Variants in USP32 observed in about 807,000 individuals in gnomAD.
USP32 encodes the protein ubiquitin specific peptidase 32.
In USP32, 59 loss-of-function variants were observed where a neutral mutation model predicts 204.8. The ratio of observed to expected loss-of-function variants is 0.29; its 90% CI spans 0.23 to 0.36. USP32 has a LOEUF of 0.36. Ranked by LOEUF, USP32 falls within the 10% of genes least tolerant of loss-of-function variation. The pLI, the probability that USP32 is intolerant of heterozygous loss-of-function variation, is 1.00. For missense variants in USP32, 1,160 were observed against 1,946.4 expected, an observed-to-expected ratio of 0.60 and a Z score of 7.60; for synonymous variants, 517 against 678.4, an observed-to-expected ratio of 0.76 and a Z score of 3.70.
At chr17:60,223,260 T>A (rs2085300768) in intron 14 of USP32, 151 bp downstream of exon 14, 1 of 629,280 alleles carries the variant, frequency 1.6e-6, no homozygotes, top group African/African-American at 1.9e-5. Context: ...ATAAATATTC[T>A]CACAGAAATG....
chr17:60,311,253 A>C (rs575022625), intron 2 of USP32, among the ~76,000 whole-genome samples: 1 of 152,192 alleles, frequency 6.6e-6, no homozygotes, highest in Non-Finnish European at 1.5e-5. Flanking sequence ...CCCCCCAAAA[A>C]ATGTATCTAT....
intron 5 of USP32, among the ~76,000 whole-genome samples, chr17:60,278,719 T>G (rs982528123): frequency 6.6e-6 from 1 of 152,188 alleles, no homozygotes; most frequent in East Asian, 1.9e-4. Context: ...AAGATAACAG[T>G]TGAACCTGGA....
Position 60,348,605 on chromosome 17 carries a change from T to C in USP32, c.59-2997A>G, listed in dbSNP as rs147561473. ...CCCTAGGCAACATAGTGAGACCCTG[T>C]CTCTACAAAAACAGAAAAATTAGCC... On this transcript the variant is annotated intron_variant, in intron 1 of 33. Coordinates refer to ENST00000300896, the MANE Select transcript of USP32 (RefSeq NM_032582.4). 8.4e-4 allele frequency among the ~76,000 whole-genome samples: 127 copies of C among 151,942 alleles called. 1 individual carries two copies. In the East Asian group the frequency reaches 0.022, roughly 26 times the overall value.
rs2085278490 is a variant in USP32 at position 60,222,525 on chromosome 17, C to T, written c.1633G>A (p.Gly545Arg). Reference sequence around the variant, plus strand: ...AGCTGTGGAGTTCGTTTTAATCGTCCTCCTTCTAGTGTTAATGATGTAGCC... The same window carrying T: ...AGCTGTGGAGTTCGTTTTAATCGTCTTCCTTCTAGTGTTAATGATGTAGCC... The part of the protein sequence containing the change: ...VKATSLTLEG[G>R]RLKRTPQLIH... The change falls in exon 15 of 34, where the codon GGA (glycine) becomes AGA (arginine). Residue 545 changes from glycine (G) to arginine (R), a missense_variant. Gly to Arg is a moderately radical substitution (Grantham distance 125). Transcript: ENST00000300896. 6 of 1,613,918 alleles carry T rather than the reference C, an allele frequency of 3.7e-6. No individual in the cohort carries two copies. The highest frequency in any genetic ancestry group is 5.1e-6 in the Non-Finnish European group (6 of 1,180,004).
intron 16 of USP32, among the ~76,000 whole-genome samples, chr17:60,215,909 A>G (rs1313822390): frequency 6.6e-6 from 1 of 152,086 alleles, no homozygotes; most frequent in African/African-American, 2.4e-5. Context: ...TATGTTGCCC[A>G]GGCTGGTTTT....
chr17:60,396,856 C>A (rs898570765), upstream of USP32, among the ~76,000 whole-genome samples: 72 of 152,220 alleles, frequency 4.7e-4, no homozygotes, highest in Non-Finnish European at 1.9e-4. Flanking sequence ...CTATGTTATA[C>A]TCCTGTCTCG....
At chr17:60,301,397 G>A (rs989939930) in intron 3 of USP32, 10 of 396,252 alleles carry the variant, frequency 2.5e-5, no homozygotes, top group Non-Finnish European at 4.5e-5. Context: ...CACTCTAGTA[G>A]GTGTGAAGTA....
rs373080318 is a variant in USP32 at position 60,196,739 on chromosome 17, C to T, written c.3434+1521G>A. Among the ~76,000 whole-genome samples, 9 of 151,874 alleles carry T rather than the reference C, an allele frequency of 5.9e-5. No homozygotes were observed. In the East Asian group the frequency reaches 1.6e-3, roughly 26 times the overall value. ...ACTCAGGAGGCTGAGGCAGGAGAATCGCTTGAACCCAGGAGGTGGAGGTTG... is the reference window on the plus strand; with the variant it reads ...ACTCAGGAGGCTGAGGCAGGAGAATTGCTTGAACCCAGGAGGTGGAGGTTG... On this transcript the variant is annotated intron_variant, in intron 27 of 33. Coordinates refer to ENST00000300896, the MANE Select transcript of USP32 (RefSeq NM_032582.4).
intron 4 of USP32, among the ~76,000 whole-genome samples, chr17:60,291,556 T>C (rs1406829574): frequency 1.3e-5 from 2 of 151,998 alleles, no homozygotes; most frequent in African/African-American, 4.8e-5. Flanking sequence ...TGTGTGTGTG[T>C]GTGTGTGTGT....
intron 13 of USP32, 131 bp downstream of exon 13, chr17:60,225,908 C>T (rs1429168277): frequency 5.6e-5 from 52 of 932,578 alleles, no homozygotes; most frequent in South Asian, 4.2e-4. Flanking sequence ...GAGCAGAGAT[C>T]GCGCCACTGC....
chr17:60,322,566 A>G (rs1304981263), intron 2 of USP32, among the ~76,000 whole-genome samples: 4 of 152,198 alleles, frequency 2.6e-5, no homozygotes, highest in Non-Finnish European at 4.4e-5. Context: ...ACACACTAAA[A>G]AAATAGAATT....
At chr17:60,263,934 C>G (rs1403063015) in intron 9 of USP32, among the ~76,000 whole-genome samples, 1 of 150,684 alleles carries the variant, frequency 6.6e-6, no homozygotes, top group Non-Finnish European at 1.5e-5. Context: ...TGGTGTAGAT[C>G]CTACCAATCT....
chr17:60,265,951 CA>C, intron 8 of USP32, 24 bp downstream of exon 8: 1 of 1,558,676 alleles, frequency 6.4e-7, no homozygotes, highest in Middle Eastern at 1.7e-4. Flanking sequence ...TTATACGCAA[CA>C]AGACATACAC....
chr17:60,280,253 C>T (rs187170239), intron 5 of USP32, among the ~76,000 whole-genome samples: 47 of 152,200 alleles, frequency 3.1e-4, no homozygotes, highest in Middle Eastern at 3.4e-3. Context: ...TCCACCACCA[C>T]ACCCAGCTAA....
At chr17:60,413,241 C>T (rs1189119921) in intron 1 of USP32, among the ~76,000 whole-genome samples, 1 of 152,078 alleles carries the variant, frequency 6.6e-6, no homozygotes, top group Admixed American at 6.6e-5. Flanking sequence ...GACCTTATCC[C>T]TGTGTTATAG....
chr17:60,412,322 T>A (rs62082083), intron 1 of USP32, among the ~76,000 whole-genome samples: 5,166 of 151,930 alleles, frequency 0.034, 143 homozygotes, highest in South Asian at 0.072. Flanking sequence ...CTGGGCAACA[T>A]GGTGAAATCC....
At chr17:60,260,813 TCTC>T (rs1332103763) in intron 9 of USP32, among the ~76,000 whole-genome samples, 1 of 152,048 alleles carries the variant, frequency 6.6e-6, no homozygotes, top group Non-Finnish European at 1.5e-5. Flanking sequence ...CATATAAATT[TCTC>T]CTACACTTGA....
Position 60,252,418 on chromosome 17 carries a change from T to C in USP32, c.1099A>G (p.Arg367Gly). ...CCTTCTTCTTCCGGAGTAGCTGGTC[T>C]TAACCCCAGAACTATGTGACACACC... ...FQVCHIVLGL[R>G]PATPEEEGQI... Residue 367 changes from arginine (R) to glycine (G), a missense_variant, in exon 11 of 34, where the codon AGA becomes GGA. Arg to Gly is a moderately radical substitution (Grantham distance 125). Around this residue, in one of 8 missense-constraint regions of USP32, gnomAD observed 536 missense variants for 680.9 expected, o/e 0.79. Transcript: ENST00000300896. 6.2e-7 allele frequency: 1 copy of C among 1,610,826 alleles called. No homozygotes were observed. Among genetic ancestry groups the C allele is most frequent in the Non-Finnish European group, 8.5e-7 (1 of 1,178,582 alleles).
intron 2 of USP32, among the ~76,000 whole-genome samples, chr17:60,324,051 TAAG>T (rs1170384967): frequency 1.3e-5 from 2 of 152,086 alleles, no homozygotes; most frequent in Non-Finnish European, 1.5e-5. Flanking sequence ...AAGGCCAAGG[TAAG>T]AAGATTGCTT....
Sources: allele counts gnomAD v4.1 joint callset (sites outside exome capture counted in the v4.1 genomes callset), GRCh38; gene constraint gnomAD v4.1.1; regional missense constraint gnomAD v4.1.1; transcripts MANE v1.5; gene names NCBI Gene and HGNC (gene_info 2026-07-23, HGNC 2026-07-21).